Variants in PRUNE2 observed in about 807,000 individuals in gnomAD.
PRUNE2 encodes the protein protein prune homolog 2.
A neutral mutation model predicts 252.0 loss-of-function variants in PRUNE2; 164 were observed. That is an observed-to-expected ratio of 0.65 (90% confidence interval 0.57 to 0.74). The LOEUF (loss-of-function observed/expected upper bound fraction) is 0.74. PRUNE2 is among the 30% of genes least tolerant of loss of function. The pLI, the probability that PRUNE2 is intolerant of heterozygous loss-of-function variation, is 0.00. For missense variants in PRUNE2, 3,495 were observed against 3,711.0 expected (o/e 0.94, Z 1.51); for synonymous variants, 1,292 against 1,350.2 (o/e 0.96, Z 0.94).
chr9:76,693,448 T>G (rs889399283), intron 9 of PRUNE2, among the ~76,000 whole-genome samples: 23 of 146,512 alleles, frequency 1.6e-4, no homozygotes, highest in Non-Finnish European at 2.5e-4. Context: ...TCTTTTTTTT[T>G]TTTTTTTTTT....
At chr9:76,836,071 T>C (rs1431175181) in intron 4 of PRUNE2, among the ~76,000 whole-genome samples, 1 of 152,150 alleles carries the variant, frequency 6.6e-6, no homozygotes, top group East Asian at 1.9e-4. Context: ...AATCAGTGGC[T>C]GAAACCTCAT....
At chr9:76,831,762 C>A (rs2058688320) in intron 4 of PRUNE2, among the ~76,000 whole-genome samples, 2 of 151,954 alleles carry the variant, frequency 1.3e-5, no homozygotes, top group African/African-American at 4.8e-5. Context: ...TAAATTTAAA[C>A]CAGATGTAAC....
rs80063512 is a variant in PRUNE2 at position 76,801,964 on chromosome 9, G to A, written c.756+21668C>T. 6.3e-3 allele frequency among the ~76,000 whole-genome samples: 961 copies of A among 152,142 alleles called. 6 individuals are homozygous for A. Among genetic ancestry groups the A allele is most frequent in the Non-Finnish European group, 9.4e-3 (638 of 67,986 alleles). On this transcript the variant is annotated intron_variant, in intron 6 of 18. Transcript: ENST00000376718. ...GACAAATTAACCATATGGCTACCTC[G>A]TAGACAACAAAACTAAAATATATTA... is the stretch of plus-strand genomic sequence containing the variant.
chr9:76,788,737 G>A (rs1233755305), intron 6 of PRUNE2, among the ~76,000 whole-genome samples: 4 of 152,220 alleles, frequency 2.6e-5, no homozygotes, highest in Non-Finnish European at 5.9e-5. Flanking sequence ...AATCTTATAA[G>A]AAGAGAGAGA....
At chr9:76,827,035 C>T (rs1368694187) in intron 4 of PRUNE2, among the ~76,000 whole-genome samples, 1 of 152,120 alleles carries the variant, frequency 6.6e-6, no homozygotes, top group Admixed American at 6.5e-5. Flanking sequence ...CACAAACACA[C>T]AAAAAGATAT....
intron 17 of PRUNE2, among the ~76,000 whole-genome samples, chr9:76,624,189 T>C (rs188617255): frequency 3.1e-4 from 47 of 152,306 alleles, no homozygotes; most frequent in African/African-American, 1.1e-3. Context: ...TGTGCTCTTT[T>C]GTTGTGGTGC....
Position 76,857,174 on chromosome 9 carries a change from C to T in PRUNE2, c.37-2966G>A, listed in dbSNP as rs146518721. The T allele has an allele frequency of 4.6e-4, 208 of 455,552 alleles. 1 individual carries two copies. Among genetic ancestry groups the T allele is most frequent in the African/African-American group, 3.1e-3 (154 of 50,138 alleles). The allele number at this position is 455,552 out of a possible 1,614,324, so 28.2% of individuals were successfully genotyped here. ...ATTTACCCATATTTGCCATCCCCAG[C>T]GCATATACAGTTTCCAGGCTTCAGC... On this transcript the variant is annotated intron_variant, in intron 1 of 18. Transcript: ENST00000376718.
At chr9:76,886,900 T>A (rs192023840) in intron 1 of PRUNE2, among the ~76,000 whole-genome samples, 1 of 152,196 alleles carries the variant, frequency 6.6e-6, no homozygotes, top group Non-Finnish European at 1.5e-5. Flanking sequence ...GGATTCCCAA[T>A]ATGTTTTCCA....
intron 6 of PRUNE2, among the ~76,000 whole-genome samples, chr9:76,812,934 G>A (rs1181196411): frequency 1.3e-5 from 2 of 152,190 alleles, no homozygotes; most frequent in Non-Finnish European, 2.9e-5. Flanking sequence ...TACATAATTT[G>A]TGTTAAGTAA....
chr9:76,864,836 T>G (rs1309218830), intron 1 of PRUNE2, among the ~76,000 whole-genome samples: 1 of 152,264 alleles, frequency 6.6e-6, no homozygotes, highest in Non-Finnish European at 1.5e-5. Flanking sequence ...TTCTTTATTT[T>G]GGCTCATCAG....
intron 4 of PRUNE2, among the ~76,000 whole-genome samples, chr9:76,835,377 A>G (rs10869837): frequency 0.38 from 57,794 of 151,672 alleles, 11,526 homozygotes; most frequent in African/African-American, 0.49. Context: ...AAGAGGGAGG[A>G]GGAAAATGGA....
intron 7 of PRUNE2, among the ~76,000 whole-genome samples, chr9:76,712,382 G>C (rs941483453): frequency 2.6e-5 from 4 of 151,866 alleles, no homozygotes; most frequent in African/African-American, 7.3e-5. Context: ...AGGCTGACTC[G>C]GCCAGTGGTG....
chr9:76,808,937 A>G (rs1289495616), intron 6 of PRUNE2: 3 of 152,296 alleles, frequency 2.0e-5, no homozygotes, highest in African/African-American at 7.2e-5. Context: ...CCCAAACACT[A>G]GGGGTAAGTC....
intron 9 of PRUNE2, among the ~76,000 whole-genome samples, chr9:76,656,353 G>A (rs1181314529): frequency 1.3e-5 from 2 of 152,108 alleles, no homozygotes; most frequent in African/African-American, 2.4e-5. Flanking sequence ...TGAGTTTCAC[G>A]TAATTTCATT....
intron 11 of PRUNE2, among the ~76,000 whole-genome samples, chr9:76,649,612 T>TGATA (rs56889503): frequency 0.18 from 27,152 of 149,846 alleles, 2,541 homozygotes; most frequent in Middle Eastern, 0.19. Flanking sequence ...GATAGATAGA[T>TGATA]GATAGATAGA....
intron 4 of PRUNE2, among the ~76,000 whole-genome samples, chr9:76,845,391 C>T (rs1004365535): frequency 6.6e-6 from 1 of 152,190 alleles, no homozygotes; most frequent in Admixed American, 6.5e-5. Flanking sequence ...AACAACTTTC[C>T]TCTTGGCTGA....
intron 4 of PRUNE2, among the ~76,000 whole-genome samples, chr9:76,837,476 A>ATAATGC (rs1188831288): frequency 9.4e-5 from 4 of 42,608 alleles, no homozygotes; most frequent in Admixed American, 6.1e-4. Flanking sequence ...AATAATAATA[A>ATAATGC]TGCTATTAAA....
In PRUNE2 at chr9:76,708,920, C is replaced by G. The variant is rs758418028; in HGVS notation, c.3354G>C (p.Val1118=). Residue 1118 remains valine, a synonymous_variant, in exon 8 of 19, where the codon GTG becomes GTC. Coordinates refer to ENST00000376718, the MANE Select transcript of PRUNE2 (RefSeq NM_015225.3). ...CAGTGGACTGAGTATCCTCCAAAAT[C>G]ACTCTGTTCCACAAGTCGAGACTGT... The part of the protein sequence containing the change: ...APDSLDLWNR[V]ILEDTQSTAT... 5.0e-6 allele frequency: 8 copies of G among 1,613,900 alleles called. No homozygotes were observed. The highest frequency in any genetic ancestry group is 6.8e-6 in the Non-Finnish European group (8 of 1,179,902).
chr9:76,797,933 T>C (rs2056243506), intron 6 of PRUNE2, among the ~76,000 whole-genome samples: 1 of 152,234 alleles, frequency 6.6e-6, no homozygotes, highest in Admixed American at 6.5e-5. Flanking sequence ...CTGCGCTTTT[T>C]GTTGGAGCTC....
Sources: allele counts gnomAD v4.1 joint callset (sites outside exome capture counted in the v4.1 genomes callset), GRCh38; gene constraint gnomAD v4.1.1; transcripts MANE v1.5; gene names NCBI Gene and HGNC (gene_info 2026-07-23, HGNC 2026-07-21).